The following GRIP1 variants were observed in gnomAD, a reference collection of about 807,000 sequenced individuals.
GRIP1 encodes the protein glutamate receptor-interacting protein 1.
Under a neutral mutation model 129.9 loss-of-function variants are expected in GRIP1, and 45 were observed. The observed-to-expected ratio is 0.35, with a 90% confidence interval of 0.27 to 0.44. The LOEUF (loss-of-function observed/expected upper bound fraction) is 0.44. Among genes scored for constraint, GRIP1 ranks in the 20% least tolerant of loss-of-function variants. The pLI, the probability that GRIP1 is intolerant of heterozygous loss-of-function variation, is 1.00. For missense variants in GRIP1, 1,196 were observed against 1,396.8 expected (o/e 0.86, Z 2.29); for synonymous variants, 530 against 520.8 (o/e 1.02, Z -0.24).
At chr12:66,786,244 T>C (rs1309372948) in intron 1 of GRIP1, among the ~76,000 whole-genome samples, 1 of 152,166 alleles carries the variant, frequency 6.6e-6, no homozygotes, top group African/African-American at 2.4e-5. Flanking sequence ...TAGATGGATA[T>C]GACAACCACA....
intron 1 of GRIP1, among the ~76,000 whole-genome samples, chr12:67,042,559 C>T (rs1227880560): frequency 6.6e-6 from 1 of 152,094 alleles, no homozygotes; most frequent in African/African-American, 2.4e-5. Flanking sequence ...TTAACTTGTT[C>T]ATGTCTTATT....
At chr12:66,431,062 T>C (rs1290368297) in intron 14 of GRIP1, among the ~76,000 whole-genome samples, 2 of 152,136 alleles carry the variant, frequency 1.3e-5, no homozygotes, top group African/African-American at 4.8e-5. Flanking sequence ...AATGAATGGA[T>C]TGGAATAAAC....
rs199589311 is a variant in GRIP1, at chr12:66,907,570, AGT to A, written c.58+161478_58+161479del. ...GAGATCTGTGTGGTGACCAGGGGTTAGTGTCAGGTAAAAGGAGGAGCAAGAGT... is the reference window on the plus strand; with the variant it reads ...GAGATCTGTGTGGTGACCAGGGGTTAGTCAGGTAAAAGGAGGAGCAAGAGT... On this transcript the variant is annotated intron_variant, in intron 1 of 1. Transcript: ENST00000643019. 3.3e-3 allele frequency among the ~76,000 whole-genome samples: 504 copies of A among 152,272 alleles called. 5 individuals are homozygous for A. Among genetic ancestry groups the A allele is most frequent in the African/African-American group, 0.011 (472 of 41,544 alleles).
intron 1 of GRIP1, among the ~76,000 whole-genome samples, chr12:67,028,327 C>G (rs1400783428): frequency 6.6e-6 from 1 of 152,138 alleles, no homozygotes; most frequent in Non-Finnish European, 1.5e-5. Context: ...TCAAATACTG[C>G]TTTTTAAAAA....
chr12:66,884,013 C>T (rs1319933831), intron 1 of GRIP1, among the ~76,000 whole-genome samples: 1 of 152,200 alleles, frequency 6.6e-6, no homozygotes, highest in Admixed American at 6.5e-5. Flanking sequence ...AGTGCACATG[C>T]AAGTGTGAGC....
chr12:66,612,594 C>T (rs973168615), intron 1 of GRIP1, among the ~76,000 whole-genome samples: 2 of 152,010 alleles, frequency 1.3e-5, no homozygotes, highest in African/African-American at 2.4e-5. Context: ...TCATGACTGC[C>T]ACTGCACTCC....
chr12:66,468,049 G>C (rs914981421), intron 7 of GRIP1, among the ~76,000 whole-genome samples: 1 of 152,136 alleles, frequency 6.6e-6, no homozygotes, highest in Non-Finnish European at 1.5e-5. Flanking sequence ...CTCTTCTTTT[G>C]TCAGTAATAG....
chr12:66,533,861 A>T (rs200568996), intron 4 of GRIP1, among the ~76,000 whole-genome samples: 2 of 142,072 alleles, frequency 1.4e-5, no homozygotes, highest in Non-Finnish European at 3.0e-5. Context: ...ACACACACAC[A>T]CTCACACACA....
intron 2 of GRIP1, among the ~76,000 whole-genome samples, chr12:66,583,959 G>A (rs1291867864): frequency 7.9e-5 from 11 of 139,066 alleles, no homozygotes; most frequent in East Asian, 2.1e-4. Context: ...ACATGCACAC[G>A]TATGTTTATT....
chr12:67,015,605 G>A (rs1214076556), intron 1 of GRIP1, among the ~76,000 whole-genome samples: 1 of 152,160 alleles, frequency 6.6e-6, no homozygotes, highest in Non-Finnish European at 1.5e-5. Flanking sequence ...AGTGAGGAGG[G>A]AGGGAAAAGG....
At chr12:66,590,684 C>A (rs1358899070) in intron 2 of GRIP1, among the ~76,000 whole-genome samples, 1 of 152,176 alleles carries the variant, frequency 6.6e-6, no homozygotes, top group Non-Finnish European at 1.5e-5. Flanking sequence ...TGTTTTAGGA[C>A]TGCACAGACA....
chr12:66,958,334 C>T (rs191943526), intron 1 of GRIP1, among the ~76,000 whole-genome samples: 78 of 152,076 alleles, frequency 5.1e-4, no homozygotes, highest in Non-Finnish European at 9.1e-4. Flanking sequence ...AATCCCACTG[C>T]GTGGGCCAGG....
At chr12:66,399,693 T>TCAAGAA (rs2056915315) in intron 16 of GRIP1, among the ~76,000 whole-genome samples, 1 of 151,810 alleles carries the variant, frequency 6.6e-6, no homozygotes, top group African/African-American at 2.4e-5. Context: ...TCTTGAGTGC[T>TCAAGAA]GCCTGTTTAA....
intron 1 of GRIP1, among the ~76,000 whole-genome samples, chr12:66,818,375 T>C (rs2039260993): frequency 6.6e-6 from 1 of 152,222 alleles, no homozygotes; most frequent in Admixed American, 6.5e-5. Flanking sequence ...AAGCTTGTAT[T>C]TTATTATTGG....
At chr12:66,751,324 C>T (rs2037120299) in intron 1 of GRIP1, among the ~76,000 whole-genome samples, 1 of 152,068 alleles carries the variant, frequency 6.6e-6, no homozygotes. Context: ...AGTAGAGAAG[C>T]TAAGAGGGAT....
At chr12:66,832,216 A>C (rs1320314257) in intron 1 of GRIP1, among the ~76,000 whole-genome samples, 2 of 152,188 alleles carry the variant, frequency 1.3e-5, no homozygotes, top group Non-Finnish European at 2.9e-5. Context: ...TTCTTACCTT[A>C]GTTTGCAATA....
intron 1 of GRIP1, among the ~76,000 whole-genome samples, chr12:66,975,281 A>C (rs1273369217): frequency 1.3e-5 from 2 of 152,370 alleles, no homozygotes; most frequent in African/African-American, 4.8e-5. Flanking sequence ...TAGAGCCACA[A>C]GCTAGTCTGT....
chr12:66,470,679 T>C (rs1440669587), intron 7 of GRIP1, among the ~76,000 whole-genome samples: 1 of 152,200 alleles, frequency 6.6e-6, no homozygotes, highest in Non-Finnish European at 1.5e-5. Flanking sequence ...GGGTAGAGTA[T>C]GCTGTTTAAG....
chr12:66,438,022 T>C (rs1482797910), intron 13 of GRIP1, among the ~76,000 whole-genome samples: 1 of 152,242 alleles, frequency 6.6e-6, no homozygotes, highest in African/African-American at 2.4e-5. Context: ...ACAAGAGACA[T>C]TTCACCACTA....
Sources: allele counts gnomAD v4.1 joint callset (sites outside exome capture counted in the v4.1 genomes callset), GRCh38; gene constraint gnomAD v4.1.1; transcripts MANE v1.5; gene names NCBI Gene and HGNC (gene_info 2026-07-23, HGNC 2026-07-21).